STX1B: variants seen among roughly 807,000 people sequenced by gnomAD.
The protein encoded by STX1B is syntaxin-1B.
A neutral mutation model predicts 39.4 loss-of-function variants in STX1B; 7 were observed. The ratio of observed to expected loss-of-function variants is 0.18; its 90% CI spans 0.10 to 0.33. STX1B has a LOEUF of 0.33. STX1B is among the 10% of genes least tolerant of loss of function. The probability of loss-of-function intolerance (pLI) is 1.00; values close to 1 mark genes in which losing one functional copy is unlikely to be tolerated. For missense variants in STX1B, 198 were observed against 383.2 expected (o/e 0.52, Z 4.04); for synonymous variants, 136 against 144.1 (o/e 0.94, Z 0.40).
At chr16:30,998,290 C>T (rs1322078532) in intron 4 of STX1B, among the ~76,000 whole-genome samples, 12 of 152,260 alleles carry the variant, frequency 7.9e-5, no homozygotes, top group Non-Finnish European at 1.5e-4. Flanking sequence ...GAAAATGCAG[C>T]AGGGATGAAT....
intron 9 of STX1B, 31 bp downstream of exon 9, chr16:30,993,099 C>T (rs759959500): frequency 5.5e-5 from 89 of 1,605,530 alleles, no homozygotes; most frequent in Middle Eastern, 1.7e-4. Context: ...TGGGCTCCCC[C>T]GCCTACCCCC....
At chr16:31,007,131 T>C (rs2056658754) in intron 1 of STX1B, among the ~76,000 whole-genome samples, 1 of 152,058 alleles carries the variant, frequency 6.6e-6, no homozygotes, top group African/African-American at 2.4e-5. Flanking sequence ...TTTTTAAATA[T>C]AAATAAAGGC....
intron 6 of STX1B, 41 bp downstream of exon 6, chr16:30,996,910 C>A: frequency 6.3e-7 from 1 of 1,584,176 alleles, no homozygotes; most frequent in Non-Finnish European, 8.6e-7. Flanking sequence ...GCTTGGGCAG[C>A]CTCAAGGAGT....
intron 1 of STX1B, among the ~76,000 whole-genome samples, chr16:31,009,313 C>T (rs1039144139): frequency 3.3e-5 from 5 of 152,140 alleles, no homozygotes; most frequent in Non-Finnish European, 7.4e-5. Flanking sequence ...TCCCTTCCCA[C>T]GCCTGAATCT....
chr16:30,999,112 T>A, intron 4 of STX1B, among the ~76,000 whole-genome samples: 1 of 152,170 alleles, frequency 6.6e-6, no homozygotes, highest in Non-Finnish European at 1.5e-5. Context: ...ACTGTACTGA[T>A]AAGGAAGCTG....
intron 1 of STX1B, among the ~76,000 whole-genome samples, chr16:31,003,209 C>T (rs968597450): frequency 1.3e-5 from 2 of 152,198 alleles, no homozygotes; most frequent in African/African-American, 4.8e-5. Flanking sequence ...AGACGCTGGG[C>T]CCACACTGTG....
At chr16:30,995,174 A>G (rs2056585703) in intron 7 of STX1B, among the ~76,000 whole-genome samples, 2 of 152,080 alleles carry the variant, frequency 1.3e-5, no homozygotes, top group South Asian at 4.1e-4. Context: ...TGGGGGTCTC[A>G]CTTTGTTGCC....
chr16:30,993,295 G>A lies in STX1B; in HGVS notation c.675+52C>T, dbSNP rs2056573509. On this transcript the variant is annotated intron_variant, in intron 8 of 9. Coordinates refer to ENST00000215095, the MANE Select transcript of STX1B (RefSeq NM_052874.5). Reference sequence around the variant, plus strand: ...GGATGGGGGCTGGGCTGGAAGAGGGGACCTCAGGCCCAGGGAGGCTCCCAG... The same window carrying A: ...GGATGGGGGCTGGGCTGGAAGAGGGAACCTCAGGCCCAGGGAGGCTCCCAG... 1.2e-5 allele frequency: 19 copies of A among 1,613,334 alleles called. No homozygotes were observed. In the Middle Eastern group the frequency reaches 4.9e-4, roughly 42 times the overall value.
intron 1 of STX1B, among the ~76,000 whole-genome samples, chr16:31,002,478 C>G (rs1050299571): frequency 6.6e-5 from 10 of 152,170 alleles, no homozygotes; most frequent in African/African-American, 2.4e-4. Context: ...TGGCGTTCAC[C>G]CGCACGCAGA....
intron 1 of STX1B, among the ~76,000 whole-genome samples, chr16:31,006,233 T>C (rs7203999): frequency 0.54 from 81,699 of 151,890 alleles, 23,666 homozygotes; most frequent in East Asian, 0.89. Context: ...CCCTGCGCCC[T>C]TTCCCCCACC....
rs780732142 is a variant in STX1B at position 30,990,841 on chromosome 16, CCT to C, written c.*1978_*1979del. 1 of 152,260 alleles carries C rather than the reference CCT, an allele frequency of 6.6e-6. No homozygotes were observed. Among genetic ancestry groups the C allele is most frequent in the Non-Finnish European group, 1.5e-5 (1 of 68,058 alleles). The allele number at this position is 152,260 out of a possible 1,614,324, so 9.4% of individuals were successfully genotyped here. A position where few individuals can be genotyped will look rare whatever the true frequency, so the allele number is the denominator to read the frequency against. On this transcript the variant is annotated 3_prime_UTR_variant, in exon 10 of 10. Coordinates refer to ENST00000215095, the MANE Select transcript of STX1B (RefSeq NM_052874.5). ...CACCAGAAATCCAGGCCTGTGTACC[CCT>C]CAGTCACACCCTGGTGTGGGGAGCA...
At chr16:31,006,163 G>A (rs1228038273) in intron 1 of STX1B, among the ~76,000 whole-genome samples, 1 of 152,060 alleles carries the variant, frequency 6.6e-6, no homozygotes, top group African/African-American at 2.4e-5. Context: ...TGACACACAC[G>A]GGCTTCCCAT....
intron 5 of STX1B, 147 bp from the exon 6 acceptor site, chr16:30,997,206 A>T (rs1262064017): frequency 3.0e-6 from 2 of 668,000 alleles, no homozygotes; most frequent in African/African-American, 1.8e-5. Flanking sequence ...TCCCTTCTTC[A>T]GCTCTGGCCG....
At chr16:31,005,282 C>A (rs963121228) in intron 1 of STX1B, among the ~76,000 whole-genome samples, 7 of 152,214 alleles carry the variant, frequency 4.6e-5, no homozygotes, top group Non-Finnish European at 7.4e-5. Context: ...AGGCTGTGGG[C>A]AAACCAGACT....
chr16:31,009,156 C>T (rs2056668615), intron 1 of STX1B, among the ~76,000 whole-genome samples: 1 of 152,136 alleles, frequency 6.6e-6, no homozygotes, highest in Non-Finnish European at 1.5e-5. Flanking sequence ...GGGTCCCCAC[C>T]CCCAAATCCA....
Position 31,003,782 on chromosome 16 carries a change from C to A in STX1B, c.31-2179G>T, listed in dbSNP as rs1057290330. ...TTTGGTATAATAAATACAAAGAGAG[C>A]TGGGAGCTAATAATCCTCTACCATT... On this transcript the variant is annotated intron_variant, in intron 1 of 9. Coordinates refer to ENST00000215095, the MANE Select transcript of STX1B (RefSeq NM_052874.5). Among the ~76,000 whole-genome samples the A allele has an allele frequency of 9.8e-5, 15 of 152,308 alleles. No homozygotes were observed. In the Middle Eastern group the frequency reaches 0.01, roughly 104 times the overall value.
intron 7 of STX1B, among the ~76,000 whole-genome samples, chr16:30,994,047 C>A (rs1219544813): frequency 6.6e-6 from 1 of 150,970 alleles, no homozygotes; most frequent in African/African-American, 2.4e-5. Flanking sequence ...AATCCCAGAA[C>A]TTTGGGAGGC....
intron 5 of STX1B, 23 bp downstream of exon 5, chr16:30,997,479 C>A: frequency 1.3e-6 from 2 of 1,588,780 alleles, no homozygotes; most frequent in East Asian, 4.6e-5. Flanking sequence ...CGACCCGACC[C>A]CCAATGGGCT....
chr16:30,994,519 G>T (rs772885834), intron 7 of STX1B, among the ~76,000 whole-genome samples: 1 of 151,438 alleles, frequency 6.6e-6, no homozygotes, highest in South Asian at 2.1e-4. Flanking sequence ...GACCCCAGGA[G>T]GTCGAGGCTG....
Sources: gnomAD v4.1 joint callset for allele counts (sites outside exome capture counted in the v4.1 genomes callset) on GRCh38, gnomAD v4.1.1 for gene constraint, MANE v1.5 for transcripts, NCBI Gene and HGNC (gene_info 2026-07-23, HGNC 2026-07-21) for gene names.